SOX5: variants seen among roughly 807,000 people sequenced by gnomAD.
SOX5 encodes SRY-box transcription factor 5.
In SOX5, 9 loss-of-function variants were observed where a neutral mutation model predicts 92.0. The observed-to-expected ratio is 0.10, with a 90% CI of 0.06 to 0.17. SOX5 has a LOEUF of 0.17. Ranked by LOEUF, SOX5 falls within the 10% of genes least tolerant of loss-of-function variation. The probability of loss-of-function intolerance (pLI) is 1.00; values close to 1 mark genes in which losing one functional copy is unlikely to be tolerated. For synonymous variants in SOX5, 344 were observed against 336.3 expected, an observed-to-expected ratio of 1.02 and a Z score of -0.25; for missense variants, 642 against 944.5, an observed-to-expected ratio of 0.68 and a Z score of 4.20.
At chr12:23,802,737 C>T (rs2095685856) in intron 3 of SOX5, among the ~76,000 whole-genome samples, 1 of 152,116 alleles carries the variant, frequency 6.6e-6, no homozygotes, top group African/African-American at 2.4e-5. Context: ...ATATAAACAT[C>T]CTCCATGGGT....
chr12:23,627,135 C>T (rs538013562), intron 8 of SOX5, among the ~76,000 whole-genome samples: 9 of 152,210 alleles, frequency 5.9e-5, no homozygotes, highest in Admixed American at 2.0e-4. Flanking sequence ...CAATGGCTTG[C>T]CCTTCCAAGA....
chr12:24,218,854 TG>T (rs967294585), intron 3 of SOX5, among the ~76,000 whole-genome samples: 1 of 152,108 alleles, frequency 6.6e-6, no homozygotes, highest in Non-Finnish European at 1.5e-5. Flanking sequence ...AATAGGAAGA[TG>T]TTCTACTTTT....
chr12:23,972,919 G>C (rs1050322738), intron 4 of SOX5, among the ~76,000 whole-genome samples: 1 of 151,900 alleles, frequency 6.6e-6, no homozygotes, highest in Admixed American at 6.6e-5. Flanking sequence ...TATTCCTCTA[G>C]TCTAACAAAT....
intron 3 of SOX5, among the ~76,000 whole-genome samples, chr12:24,274,859 C>A (rs1944247578): frequency 6.6e-6 from 1 of 152,252 alleles, no homozygotes; most frequent in Admixed American, 6.5e-5. Flanking sequence ...ACAAGTTGTG[C>A]TTTGTGCCTT....
chr12:24,088,243 T>C (rs1302282863), intron 4 of SOX5, among the ~76,000 whole-genome samples: 4 of 152,096 alleles, frequency 2.6e-5, no homozygotes, highest in African/African-American at 9.7e-5. Context: ...ACATAGATTT[T>C]AGGGAAAACT....
At chr12:24,391,990 T>C (rs986035308) in intron 1 of SOX5, among the ~76,000 whole-genome samples, 1 of 152,024 alleles carries the variant, frequency 6.6e-6, no homozygotes, top group African/African-American at 2.4e-5. Context: ...TCCCAATGAG[T>C]ATGACTTAAT....
chr12:24,053,666 T>C (rs779708572), intron 4 of SOX5, among the ~76,000 whole-genome samples: 4 of 152,210 alleles, frequency 2.6e-5, no homozygotes, highest in Non-Finnish European at 5.9e-5. Flanking sequence ...GTCATTTCAT[T>C]GTTTGCAAAG....
At chr12:23,551,250 T>C (rs1430394542) in intron 11 of SOX5, among the ~76,000 whole-genome samples, 4 of 152,014 alleles carry the variant, frequency 2.6e-5, no homozygotes. Context: ...TATGTGAACC[T>C]CACAGACCAC....
rs143560435 is a variant in SOX5 at position 23,949,121 on chromosome 12, T to C, written c.38+443A>G. 7.6e-3 allele frequency among the ~76,000 whole-genome samples: 1,157 copies of C among 152,298 alleles called. 10 individuals are homozygous for C. Among genetic ancestry groups the C allele is most frequent in the Non-Finnish European group, 0.011 (724 of 68,022 alleles). On this transcript the variant is annotated intron_variant, in intron 1 of 14. Coordinates refer to ENST00000451604, the MANE Select transcript of SOX5 (RefSeq NM_006940.6). ...TACGGAAGGATCAAATAGGAACTTA[T>C]AGCCTCCGTTTAAAGCACCACTAAA...
chr12:24,252,609 T>C (rs1391099691), intron 3 of SOX5, among the ~76,000 whole-genome samples: 1 of 152,044 alleles, frequency 6.6e-6, no homozygotes, highest in Non-Finnish European at 1.5e-5. Flanking sequence ...TCTTTTATTC[T>C]TGTAAGTCTG....
At chr12:24,232,696 T>C (rs1386571626) in intron 3 of SOX5, among the ~76,000 whole-genome samples, 2 of 152,214 alleles carry the variant, frequency 1.3e-5, no homozygotes, top group East Asian at 3.8e-4. Context: ...AAAATGTATG[T>C]AACCTGGCTT....
chr12:23,957,081 A>G (rs553476782), intron 4 of SOX5, among the ~76,000 whole-genome samples: 1 of 152,312 alleles, frequency 6.6e-6, no homozygotes, highest in South Asian at 2.1e-4. Flanking sequence ...TTCAAAAATA[A>G]AATTTCTTGC....
chr12:24,330,693 C>A (rs1333516422), intron 2 of SOX5, among the ~76,000 whole-genome samples: 1 of 152,166 alleles, frequency 6.6e-6, no homozygotes, highest in Non-Finnish European at 1.5e-5. Context: ...CAGCTTGGCA[C>A]ATGGTAGACA....
intron 1 of SOX5, among the ~76,000 whole-genome samples, chr12:23,928,997 T>C (rs1047903928): frequency 2.7e-5 from 4 of 149,942 alleles, no homozygotes; most frequent in Non-Finnish European, 5.9e-5. Context: ...AAAATTATAA[T>C]AAATTAAGTG....
intron 4 of SOX5, among the ~76,000 whole-genome samples, chr12:24,111,459 G>A (rs1405478255): frequency 6.6e-6 from 1 of 152,130 alleles, no homozygotes; most frequent in Admixed American, 6.5e-5. Context: ...AAACTGAAAT[G>A]AAAGGTAATA....
In SOX5 at chr12:23,581,059, T is replaced by C. The variant is rs897252867; in HGVS notation, c.1165-5221A>G. 2.0e-5 allele frequency among the ~76,000 whole-genome samples: 3 copies of C among 152,054 alleles called. No homozygotes were observed. In the South Asian group the frequency reaches 6.2e-4, roughly 31 times the overall value. On this transcript the variant is annotated intron_variant, in intron 9 of 14. Coordinates refer to ENST00000451604, the MANE Select transcript of SOX5 (RefSeq NM_006940.6). ...ATGTTACTGTAACATAATTGTATAA[T>C]AGTCATAATTTTATAATGTACAAAT...
At chr12:24,026,576 C>A (rs1173818012) in intron 4 of SOX5, among the ~76,000 whole-genome samples, 1 of 146,202 alleles carries the variant, frequency 6.8e-6, no homozygotes, top group African/African-American at 2.5e-5. Flanking sequence ...AAGGCAAAAC[C>A]CTGTCTCTAT....
intron 1 of SOX5, among the ~76,000 whole-genome samples, chr12:24,438,203 G>A (rs1233666104): frequency 1.3e-5 from 2 of 152,102 alleles, no homozygotes; most frequent in South Asian, 4.2e-4. Flanking sequence ...AACCCCACAT[G>A]TTCTCACTCA....
At chr12:23,839,511 A>C (rs1053602456) in intron 3 of SOX5, among the ~76,000 whole-genome samples, 1 of 152,186 alleles carries the variant, frequency 6.6e-6, no homozygotes, top group Non-Finnish European at 1.5e-5. Context: ...TGAAGCTGGC[A>C]GTAGCAACAA....
Sources: gnomAD v4.1 joint callset for allele counts (sites outside exome capture counted in the v4.1 genomes callset) on GRCh38, gnomAD v4.1.1 for gene constraint, MANE v1.5 for transcripts, NCBI Gene and HGNC (gene_info 2026-07-23, HGNC 2026-07-21) for gene names.